Variants in CEP131 observed in about 807,000 individuals in gnomAD.
CEP131 encodes the protein centrosomal protein of 131 kDa.
In CEP131, 99 loss-of-function variants were observed where a neutral mutation model predicts 136.8. That is an observed-to-expected ratio of 0.72 (90% confidence interval 0.62 to 0.86). The LOEUF (loss-of-function observed/expected upper bound fraction) is 0.86. Ranked by LOEUF, CEP131 falls within the 40% of genes least tolerant of loss-of-function variation. The pLI is 0.00. For missense variants in CEP131, 1,459 were observed against 1,463.0 expected (o/e 1.00, Z 0.04); for synonymous variants, 646 against 612.7 (o/e 1.05, Z -0.80).
chr17:81,217,795 T>C (rs1441185710), intron 2 of CEP131, among the ~76,000 whole-genome samples: 1 of 152,016 alleles, frequency 6.6e-6, no homozygotes, highest in Admixed American at 6.6e-5. Flanking sequence ...AAAGGAGGGA[T>C]CGATATGAGT....
At position 81,190,727 on chromosome 17, in the gene CEP131, CT is replaced by C; in HGVS notation, c.3018del (p.Ala1007ProfsTer31). The C allele has an allele frequency of 1.9e-6, 3 of 1,610,936 alleles. No homozygotes were observed. Among genetic ancestry groups the C allele is most frequent in the Non-Finnish European group, 2.5e-6 (3 of 1,179,352 alleles). On this transcript the variant is annotated frameshift_variant, in exon 24 of 26. Transcript: ENST00000450824. LOFTEE classifies it high-confidence loss of function. ...VIRQEFEDRL[A>X]ASEEETRQAK... Reference sequence around the variant, plus strand: ...GCCTGCCGCGTCTCCTCCTCAGAGGCTGCCAGCCGGTCCTCGAACTCCTGGC... The same window carrying C: ...GCCTGCCGCGTCTCCTCCTCAGAGGCGCCAGCCGGTCCTCGAACTCCTGGC...
chr17:81,197,922 A>T, intron 12 of CEP131, 34 bp from the exon 13 acceptor site: 2 of 1,596,462 alleles, frequency 1.3e-6, no homozygotes, highest in Non-Finnish European at 1.7e-6. Context: ...GGGGGCTGTC[A>T]GGGCAGCCTG....
chr17:81,217,941 C>T (rs1313764662), intron 2 of CEP131, among the ~76,000 whole-genome samples: 1 of 152,148 alleles, frequency 6.6e-6, no homozygotes, highest in Admixed American at 6.5e-5. Flanking sequence ...TACTAGAAAG[C>T]CCGGAAACTT....
Position 81,198,939 on chromosome 17 carries a change from G to C in CEP131, c.1225C>G (p.Arg409Gly). The C allele has an allele frequency of 6.3e-7, 1 of 1,587,626 alleles. No individual in the cohort carries two copies. Among genetic ancestry groups the C allele is most frequent in the Non-Finnish European group, 8.6e-7 (1 of 1,168,506 alleles). The change falls in exon 11 of 26, where the codon CGC becomes GGC. Residue 409 changes from arginine to glycine, a missense_variant. Around this residue, in one of 3 missense-constraint regions of CEP131, gnomAD observed 1,026 missense variants for 964.2 expected, o/e 1.06. Transcript: ENST00000450824. ...GGLPAAGPGD[R>G]CLPTSDSSPE... ...GATGAGTCGGAGGTGGGCAGGCAGCGGTCTCCGGGGCCTGCAGCAGGGAGG... is the reference window on the plus strand; with the variant it reads ...GATGAGTCGGAGGTGGGCAGGCAGCCGTCTCCGGGGCCTGCAGCAGGGAGG...
intron 3 of CEP131, among the ~76,000 whole-genome samples, chr17:81,207,754 C>T (rs2062038776): frequency 6.6e-6 from 1 of 151,732 alleles, no homozygotes; most frequent in South Asian, 2.1e-4. Flanking sequence ...GGAAGCACAG[C>T]TGGAAGGCAT....
rs113871177 is a variant in CEP131, at chr17:81,195,868, C to T, written c.1983G>A (p.Glu661=). 490 of 1,607,848 alleles carry T rather than the reference C, an allele frequency of 3.0e-4. 3 individuals are homozygous for T. The African/African-American group carries it at 5.6e-3, about 18-fold the overall frequency. Residue 661 remains glutamate (E), a synonymous_variant, in exon 16 of 26, where the codon GAG becomes GAA. Transcript: ENST00000450824. ...GCTGCGCCTGTGCCTGGGCCACACGCTCGGTGCATCTCTGGTCCTCCTGCT... is the reference window on the plus strand; with the variant it reads ...GCTGCGCCTGTGCCTGGGCCACACGTTCGGTGCATCTCTGGTCCTCCTGCT... The part of the protein sequence containing the change: ...ELKQEDQRCT[E]RVAQAQAQHE...
chr17:81,219,831 A>G lies in CEP131; in HGVS notation c.177+49T>C. 3 of 1,488,388 alleles carry G rather than the reference A, an allele frequency of 2.0e-6. No homozygotes were observed. The highest frequency in any genetic ancestry group is 1.4e-5 in the African/African-American group (1 of 70,266). The allele number at this position is 1,488,388 out of a possible 1,614,324, so 92.2% of individuals were successfully genotyped here. ...CCAGGGGTCAGATGCCAACTGAACA[A>G]CAGCCCTCCAGGAGGCAGGGGCCCG... is the stretch of plus-strand genomic sequence containing the variant. On this transcript the variant is annotated intron_variant, in intron 2 of 25. Transcript: ENST00000450824. The surrounding 1 kb of genome is among the most constrained non-coding windows in gnomAD (Gnocchi z 4.0).
intron 20 of CEP131, 37 bp downstream of exon 20, chr17:81,192,439 C>A: frequency 6.2e-7 from 1 of 1,611,820 alleles, no homozygotes; most frequent in South Asian, 1.1e-5. Context: ...CCGTGCAGCC[C>A]CCTGGCCAGG....
chr17:81,201,945 C>CA (rs1050551199), intron 7 of CEP131, among the ~76,000 whole-genome samples: 2 of 151,936 alleles, frequency 1.3e-5, no homozygotes, highest in Admixed American at 6.6e-5. Flanking sequence ...ACTAAAAATA[C>CA]AAAAAATTAG....
chr17:81,208,833 G>GGAA lies in CEP131; in HGVS notation c.272+92_272+94dup. The stretch of plus-strand genomic sequence containing the variant: ...AGGGCCCGGGACCCAGGAGGCTGGA[G>GGAA]GAAGGGCAGAGCAGAGGCAGGGAGG... On this transcript the variant is annotated intron_variant, in intron 3 of 25. Transcript: ENST00000450824. This position sits in a 1 kb window ranked among gnomAD's most constrained non-coding sequence, Gnocchi z 5.6. 1 of 977,602 alleles carries GGAA rather than the reference G, an allele frequency of 1.0e-6. No homozygotes were observed. The highest frequency in any genetic ancestry group is 2.2e-5 in the Admixed American group (1 of 45,050). The allele number at this position is 977,602 out of a possible 1,614,324, so 60.6% of individuals were successfully genotyped here.
At chr17:81,192,681 A>AGGGGGGGGGGGGGT in intron 19 of CEP131, 55 bp downstream of exon 19, 1 of 155,106 alleles carries the variant, frequency 6.4e-6, no homozygotes, top group Non-Finnish European at 1.2e-5. Flanking sequence ...GGCGGGGGGG[A>AGGGGGGGGGGGGGT]GGGGTCAGCC....
intron 18 of CEP131, among the ~76,000 whole-genome samples, 194 bp from the exon 19 acceptor site, chr17:81,193,037 G>T (rs942889896): frequency 9.2e-5 from 14 of 152,242 alleles, no homozygotes; most frequent in Non-Finnish European, 1.8e-4. Context: ...CGAGGAACTT[G>T]CCCATCAGCC....
chr17:81,192,177 C>A, intron 21 of CEP131, 141 bp downstream of exon 21: 3 of 743,990 alleles, frequency 4.0e-6, no homozygotes, highest in East Asian at 2.7e-5. Flanking sequence ...CAGACAACAA[C>A]CCCAAGCAGC....
At chr17:81,206,266 G>C (rs76076343) in intron 5 of CEP131, among the ~76,000 whole-genome samples, 2,429 of 151,650 alleles carry the variant, frequency 0.016, 69 homozygotes, top group African/African-American at 0.056. Context: ...ATAACCACAC[G>C]GTCTCTCCCC....
intron 1 of CEP131, among the ~76,000 whole-genome samples, chr17:81,220,336 G>A (rs1323523957): frequency 6.6e-6 from 1 of 152,176 alleles, no homozygotes; most frequent in Non-Finnish European, 1.5e-5. Flanking sequence ...AAGGCCCGTG[G>A]GTGGGAATAA....
Position 81,200,359 on chromosome 17 carries a change from GC to G in CEP131, c.875del (p.Arg292ProfsTer58). 6.3e-7 allele frequency: 1 copy of G among 1,591,772 alleles called. No homozygotes were observed. The highest frequency in any genetic ancestry group is 8.5e-7 in the Non-Finnish European group (1 of 1,169,666). ...QVQRRGAGAA[R>X]LEHLLQAKRE... Reference sequence around the variant, plus strand: ...GCTTGGCCTGAAGCAAGTGCTCCAGGCGGGCAGCTCCTGCTCCGCGCCGCTG... The same window carrying G: ...GCTTGGCCTGAAGCAAGTGCTCCAGGGGGCAGCTCCTGCTCCGCGCCGCTG... On this transcript the variant is annotated frameshift_variant, in exon 8 of 26. Coordinates refer to ENST00000450824, the MANE Select transcript of CEP131 (RefSeq NM_014984.4). LOFTEE classifies it high-confidence loss of function.
intron 11 of CEP131, 69 bp from the exon 12 acceptor site, chr17:81,198,366 C>T: frequency 4.1e-6 from 6 of 1,464,632 alleles, no homozygotes; most frequent in Non-Finnish European, 5.5e-6. Flanking sequence ...ACATAGGAGG[C>T]CAACCGCAGA....
intron 11 of CEP131, 72 bp downstream of exon 11, chr17:81,198,805 G>C (rs1018293220): frequency 1.1e-5 from 16 of 1,452,498 alleles, no homozygotes; most frequent in Non-Finnish European, 1.4e-5. Context: ...GCTCAGCTCA[G>C]GACACCCCTG....
intron 24 of CEP131, 92 bp from the exon 25 acceptor site, chr17:81,190,067 G>A (rs1286836493): frequency 1.7e-6 from 2 of 1,171,368 alleles, no homozygotes; most frequent in Admixed American, 5.5e-5. Context: ...GCAGCCGCCT[G>A]GTCAGCCTGG....
Sources: allele counts gnomAD v4.1 joint callset (sites outside exome capture counted in the v4.1 genomes callset), GRCh38; gene constraint gnomAD v4.1.1; regional missense constraint gnomAD v4.1.1; non-coding constraint Gnocchi (gnomAD v3.1); transcripts MANE v1.5; gene names NCBI Gene and HGNC (gene_info 2026-07-23, HGNC 2026-07-21).